PDZD2: variants seen among roughly 807,000 people sequenced by gnomAD.
The protein encoded by PDZD2 is PDZ domain-containing protein 2.
A neutral mutation model predicts 220.7 loss-of-function variants in PDZD2; 90 were observed. That is an observed-to-expected ratio of 0.41 (90% CI 0.34 to 0.49). The LOEUF (loss-of-function observed/expected upper bound fraction) is 0.49, where lower values mean the gene tolerates loss of function less well. Ranked by LOEUF, PDZD2 falls within the 20% of genes least tolerant of loss-of-function variation. The pLI, the probability that PDZD2 is intolerant of heterozygous loss-of-function variation, is 0.28. For synonymous variants in PDZD2, 1,375 were observed against 1,450.5 expected, an observed-to-expected ratio of 0.95 and a Z score of 1.18; for missense variants, 3,174 against 3,608.5, an observed-to-expected ratio of 0.88 and a Z score of 3.08.
intron 2 of PDZD2, among the ~76,000 whole-genome samples, chr5:31,960,192 T>TCTTTCCTTCCTTTCCTTC (rs549776342): frequency 2.0e-5 from 3 of 150,446 alleles, no homozygotes; most frequent in Admixed American, 2.0e-4. Flanking sequence ...TCCTTCCTTT[T>TCTTTCCTTCCTTTCCTTC]CTTTCCTTCC....
rs370205626 is a variant in PDZD2, at chr5:31,852,119, T to C, written c.476+52395T>C. 9.2e-5 allele frequency among the ~76,000 whole-genome samples: 14 copies of C among 152,090 alleles called. 1 individual carries two copies. In the East Asian group the frequency reaches 2.7e-3, roughly 30 times the overall value. On this transcript the variant is annotated intron_variant, in intron 2 of 24. Transcript: ENST00000438447. ...ATCCGCCTGCCTCGGCCTCCCAAAG[T>C]GCTGGAATCACAGGCGTGAGCCACC...
chr5:32,090,951 C>T lies in PDZD2; in HGVS notation c.7503C>T (p.Tyr2501=), dbSNP rs903440010. 11 of 1,613,862 alleles carry T rather than the reference C, an allele frequency of 6.8e-6. No individual in the cohort carries two copies. In the African/African-American group the frequency reaches 1.5e-4, roughly 22 times the overall value. Residue 2501 remains tyrosine, a synonymous_variant, in exon 20 of 25, where the codon TAC becomes TAT. Coordinates refer to ENST00000438447, the MANE Select transcript of PDZD2 (RefSeq NM_178140.4). The surrounding 1 kb of genome is among the most constrained non-coding windows in gnomAD (Gnocchi z 4.3). ...PDLDKLCSED[Y]SAGPSAVLFK... ...TTGACAAGCTCTGCAGCGAGGATTA[C>T]TCAGCAGGGCCGAGCGCCGTGCTCT...
At chr5:32,100,931 C>A (rs763574312) in intron 23 of PDZD2, 174 bp from the exon 24 acceptor site, 1 of 1,597,348 alleles carries the variant, frequency 6.3e-7, no homozygotes, top group Non-Finnish European at 8.5e-7. Context: ...ATTGGGAGGC[C>A]AACAGTGCTA....
At chr5:32,100,291 G>A (rs892507057) in intron 23 of PDZD2, 6 of 169,164 alleles carry the variant, frequency 3.5e-5, no homozygotes, top group Non-Finnish European at 6.4e-5. Context: ...GAAGCAGGCA[G>A]TTTAATCCAT....
chr5:32,071,415 A>C lies in PDZD2; in HGVS notation c.2565A>C (p.Lys855Asn). Residue 855 changes from lysine (K) to asparagine (N), a missense_variant, in exon 16 of 25, where the codon AAA becomes AAC. By Grantham distance (94) the Lys-to-Asn change is moderately conservative. Coordinates refer to ENST00000438447, the MANE Select transcript of PDZD2 (RefSeq NM_178140.4). ...CCTTGAAGAGTCCCTCTCTTGCAAA[A>C]AAGGTGAGTCAAGGTGAACTGCTAC... ...GTPLKSPSLA[K>N]KDSLISESEL... 6.2e-7 allele frequency: 1 copy of C among 1,609,796 alleles called. No homozygotes were observed. Among genetic ancestry groups the C allele is most frequent in the Non-Finnish European group, 8.5e-7 (1 of 1,176,056 alleles).
intron 1 of PDZD2, among the ~76,000 whole-genome samples, chr5:31,689,888 T>C (rs1747049308): frequency 6.6e-6 from 1 of 152,124 alleles, no homozygotes; most frequent in South Asian, 2.1e-4. Context: ...GGTCTCTGGG[T>C]GGGGTCTTGG....
At chr5:32,067,583 A>G (rs1025116319) in intron 14 of PDZD2, among the ~76,000 whole-genome samples, 2 of 152,218 alleles carry the variant, frequency 1.3e-5, no homozygotes, top group African/African-American at 4.8e-5. Flanking sequence ...AATTCTATAT[A>G]GAAATATTTA....
intron 1 of PDZD2, among the ~76,000 whole-genome samples, chr5:31,717,000 T>C (rs1748490598): frequency 6.6e-6 from 1 of 151,882 alleles, no homozygotes; most frequent in Non-Finnish European, 1.5e-5. Flanking sequence ...GGTTAACATA[T>C]GAAAGGTGTA....
chr5:31,813,989 G>A (rs1428813334), intron 2 of PDZD2, among the ~76,000 whole-genome samples: 1 of 152,112 alleles, frequency 6.6e-6, no homozygotes, highest in African/African-American at 2.4e-5. Flanking sequence ...TCAACGTGGT[G>A]AAACCCCATC....
At chr5:31,999,691 G>GAGTGC (rs1751948518) in intron 4 of PDZD2, among the ~76,000 whole-genome samples, 1 of 152,150 alleles carries the variant, frequency 6.6e-6, no homozygotes, top group Non-Finnish European at 1.5e-5. Flanking sequence ...GGGAAGAGAG[G>GAGTGC]AGTGCAGTGC....
At position 32,037,356 on chromosome 5, in the gene PDZD2, C is replaced by T. The variant is rs372066356; in HGVS notation, c.1519+14C>T. 4.4e-5 allele frequency: 62 copies of T among 1,399,768 alleles called. No homozygotes were observed. The highest frequency in any genetic ancestry group is 2.7e-4 in the African/African-American group (19 of 70,758). 86.7% of individuals were successfully genotyped at this position (1,399,768 alleles called of 1,614,324 possible). On this transcript the variant is annotated intron_variant, in intron 7 of 24. Transcript: ENST00000438447. ...GTCGCCTTTCAGGTAGGTGGGGGCT[C>T]TACCTGATGCAGCCTGTCTAGGATG... is the stretch of plus-strand genomic sequence containing the variant.
intron 5 of PDZD2, 98 bp from the exon 6 acceptor site, chr5:32,010,232 G>C (rs1285588617): frequency 9.9e-6 from 8 of 808,462 alleles, no homozygotes; most frequent in Non-Finnish European, 1.6e-5. Context: ...GTAGTCTTTG[G>C]TTTGGGAGCA....
intron 15 of PDZD2, 97 bp from the exon 16 acceptor site, chr5:32,071,287 A>G (rs1397198774): frequency 8.0e-6 from 7 of 878,062 alleles, no homozygotes; most frequent in Middle Eastern, 2.2e-4. Flanking sequence ...AGTTTTGTTT[A>G]CTGTGTTTGC....
At chr5:31,726,281 C>T (rs915117445) in intron 1 of PDZD2, among the ~76,000 whole-genome samples, 3 of 152,232 alleles carry the variant, frequency 2.0e-5, no homozygotes, top group Non-Finnish European at 4.4e-5. Context: ...ATAATCCCAC[C>T]GCTTTGGGAG....
At chr5:31,784,634 C>T (rs1294587863) in intron 1 of PDZD2, among the ~76,000 whole-genome samples, 1 of 152,138 alleles carries the variant, frequency 6.6e-6, no homozygotes, top group Admixed American at 6.5e-5. Flanking sequence ...TGAGGCTAGG[C>T]GTGGTGGCTC....
Position 31,810,263 on chromosome 5 carries a change from A to ATT in PDZD2, c.476+10555_476+10556dup, listed in dbSNP as rs11418133. Among the ~76,000 whole-genome samples, 176 of 132,734 alleles carry ATT rather than the reference A, an allele frequency of 1.3e-3. 2 individuals carry two copies. The highest frequency in any genetic ancestry group is 4.2e-3 in the South Asian group (17 of 4,086). 87.1% of individuals were successfully genotyped at this position (132,734 alleles called of 152,430 possible). A position where few individuals can be genotyped will look rare whatever the true frequency, so the allele number is the denominator to read the frequency against. The stretch of plus-strand genomic sequence containing the variant: ...TGACTTTTTCTTTTCTTCTCCAGAG[A>ATT]TTTTTTTTTTTTTTTTTGAGACGGA... On this transcript the variant is annotated intron_variant, in intron 2 of 24. Transcript: ENST00000438447.
At chr5:31,931,458 G>A (rs992278531) in intron 2 of PDZD2, among the ~76,000 whole-genome samples, 1 of 152,124 alleles carries the variant, frequency 6.6e-6, no homozygotes, top group African/African-American at 2.4e-5. Context: ...GTGCCTGGCC[G>A]CATAGTAGAT....
Position 32,029,547 on chromosome 5 carries a change from G to A in PDZD2, c.1408-7684G>A, listed in dbSNP as rs149288591. 2.8e-4 allele frequency among the ~76,000 whole-genome samples: 43 copies of A among 152,098 alleles called. No individual in the cohort carries two copies. In the East Asian group the frequency reaches 7.4e-3, roughly 26 times the overall value. On this transcript the variant is annotated intron_variant, in intron 6 of 24. Coordinates refer to ENST00000438447, the MANE Select transcript of PDZD2 (RefSeq NM_178140.4). ...CCCTTTCCCCTGCAAGTCCTGTGGC[G>A]GTGACACAGGCTCGGGGGTGTGCAC...
intron 2 of PDZD2, chr5:31,854,800 G>T: frequency 5.4e-6 from 1 of 185,244 alleles, no homozygotes; most frequent in Non-Finnish European, 1.0e-5. Flanking sequence ...AGTGACCGGG[G>T]AGGGGATCTT....
Sources: allele counts gnomAD v4.1 joint callset (sites outside exome capture counted in the v4.1 genomes callset), GRCh38; gene constraint gnomAD v4.1.1; non-coding constraint Gnocchi (gnomAD v3.1); transcripts MANE v1.5; gene names NCBI Gene and HGNC (gene_info 2026-07-23, HGNC 2026-07-21).